ZNRF2: variants seen among roughly 807,000 people sequenced by gnomAD.
ZNRF2 encodes the protein zinc and ring finger 2.
Under a neutral mutation model 20.4 loss-of-function variants are expected in ZNRF2, and 16 were observed. That is an observed-to-expected ratio of 0.79 (90% CI 0.53 to 1.19). ZNRF2 has a LOEUF of 1.19. ZNRF2 is among the 50% of genes most tolerant of loss of function. ZNRF2 has a pLI of 0.00. For missense variants in ZNRF2, 363 were observed against 332.4 expected (o/e 1.09, Z -0.72); for synonymous variants, 178 against 144.9 (o/e 1.23, Z -1.64).
chr7:30,335,327 A>G (rs1799701011), intron 2 of ZNRF2, among the ~76,000 whole-genome samples: 1 of 152,194 alleles, frequency 6.6e-6, no homozygotes, highest in South Asian at 2.1e-4. Context: ...AGAAAACAGT[A>G]CAAGAGACCA....
intron 1 of ZNRF2, among the ~76,000 whole-genome samples, chr7:30,311,134 A>C (rs2128060146): frequency 6.6e-6 from 1 of 150,898 alleles, no homozygotes; most frequent in South Asian, 2.1e-4. Context: ...CTCCAGTAAA[A>C]CCCCGTGTTT....
At chr7:30,289,724 G>C in intron 1 of ZNRF2, 1 of 519,296 alleles carries the variant, frequency 1.9e-6, no homozygotes, top group Non-Finnish European at 4.0e-6. Flanking sequence ...ACTGCAAGGT[G>C]GGGAGGATTG....
At chr7:30,359,278 A>T (rs1239845571) in intron 3 of ZNRF2, among the ~76,000 whole-genome samples, 3 of 152,190 alleles carry the variant, frequency 2.0e-5, no homozygotes, top group African/African-American at 7.2e-5. Context: ...AAGATTGATA[A>T]ATTTGGCTAT....
At chr7:30,362,336 A>C (rs1270481111) in intron 3 of ZNRF2, 41 bp from the exon 4 acceptor site, 1 of 1,327,394 alleles carries the variant, frequency 7.5e-7, no homozygotes, top group Non-Finnish European at 1.0e-6. Flanking sequence ...ATAAATAATT[A>C]GTATAAGTAT....
intron 1 of ZNRF2, among the ~76,000 whole-genome samples, chr7:30,301,546 G>C (rs1349179697): frequency 1.3e-5 from 2 of 151,992 alleles, no homozygotes; most frequent in African/African-American, 4.8e-5. Flanking sequence ...TCTGGGGCAT[G>C]GTTCGCTGCA....
intron 1 of ZNRF2, among the ~76,000 whole-genome samples, chr7:30,298,277 C>T (rs1799050963): frequency 6.6e-6 from 1 of 151,814 alleles, no homozygotes; most frequent in Admixed American, 6.6e-5. Flanking sequence ...TGCTTTGTTC[C>T]CTTTCCTGAT....
rs1187535378 is a variant in ZNRF2 at position 30,284,914 on chromosome 7, C to T, written c.-444C>T. ...GGGCGCCTCCCACTCAGCCGCCAGCCGCCGTGGGAGCCGGAGGATGGCGGC... is the reference window on the plus strand; with the variant it reads ...GGGCGCCTCCCACTCAGCCGCCAGCTGCCGTGGGAGCCGGAGGATGGCGGC... On this transcript the variant is annotated 5_prime_UTR_variant, in exon 1 of 5. Coordinates refer to ENST00000323037, the MANE Select transcript of ZNRF2 (RefSeq NM_147128.4). The T allele has an allele frequency of 1.2e-5, 3 of 247,050 alleles. No homozygotes were observed. Among genetic ancestry groups the T allele is most frequent in the South Asian group, 3.0e-5 (1 of 32,846 alleles). 15.3% of individuals were successfully genotyped at this position (247,050 alleles called of 1,614,324 possible). A position where few individuals can be genotyped will look rare whatever the true frequency, so the allele number is the denominator to read the frequency against.
rs1023100289 is a variant in ZNRF2, at chr7:30,288,266, C to G, written c.469+2440C>G. Among the ~76,000 whole-genome samples, 18 of 152,232 alleles carry G rather than the reference C, an allele frequency of 1.2e-4. No homozygotes were observed. The East Asian group carries it at 3.5e-3, about 29-fold the overall frequency. On this transcript the variant is annotated intron_variant, in intron 1 of 4. Coordinates refer to ENST00000323037, the MANE Select transcript of ZNRF2 (RefSeq NM_147128.4). ...TGTATAAATGGTTATATACAAATAACTGCATCTGAAAATTGATAAAAGGAT... is the reference window on the plus strand; with the variant it reads ...TGTATAAATGGTTATATACAAATAAGTGCATCTGAAAATTGATAAAAGGAT...
intron 3 of ZNRF2, among the ~76,000 whole-genome samples, chr7:30,358,067 A>G (rs937153568): frequency 1.3e-5 from 2 of 152,210 alleles, no homozygotes; most frequent in African/African-American, 2.4e-5. Flanking sequence ...GTATAGATGT[A>G]ATTTACTACA....
At chr7:30,315,940 T>TA (rs1799366991) in intron 1 of ZNRF2, among the ~76,000 whole-genome samples, 1 of 152,110 alleles carries the variant, frequency 6.6e-6, no homozygotes, top group Non-Finnish European at 1.5e-5. Context: ...AATTTTCACT[T>TA]AAAATTGCTT....
At position 30,285,875 on chromosome 7, in the gene ZNRF2, C is replaced by T. The variant is rs563067384; in HGVS notation, c.469+49C>T. 46 of 1,398,110 alleles carry T rather than the reference C, an allele frequency of 3.3e-5. No homozygotes were observed. The East Asian group carries it at 6.0e-4, about 18-fold the overall frequency. The allele number at this position is 1,398,110 out of a possible 1,614,324, so 86.6% of individuals were successfully genotyped here. A position where few individuals can be genotyped will look rare whatever the true frequency, so the allele number is the denominator to read the frequency against. On this transcript the variant is annotated intron_variant, in intron 1 of 4. Transcript: ENST00000323037. ...CGCGCTCGGTCCTCCCGCGGCTGCA[C>T]GTGGGCCGTGGCCGCCGGCTATTTT...
chr7:30,308,376 T>C lies in ZNRF2; in HGVS notation c.470-15266T>C, dbSNP rs2128059473. On this transcript the variant is annotated intron_variant, in intron 1 of 4. Transcript: ENST00000323037. ...TGCTACTGTGAATTTTTTGTTAATATGTATTCTGGTGCATATGTGCACAGA... is the reference window on the plus strand; with the variant it reads ...TGCTACTGTGAATTTTTTGTTAATACGTATTCTGGTGCATATGTGCACAGA... Among the ~76,000 whole-genome samples the C allele has an allele frequency of 3.3e-5, 5 of 152,352 alleles. No individual in the cohort carries two copies. The South Asian group carries it at 1.0e-3, about 32-fold the overall frequency.
intron 1 of ZNRF2, among the ~76,000 whole-genome samples, chr7:30,322,062 AT>A (rs887889498): frequency 3.3e-5 from 5 of 151,968 alleles, no homozygotes; most frequent in African/African-American, 1.2e-4. Context: ...AAGTTTATGA[AT>A]TTGTGTTGGG....
At chr7:30,307,721 G>A (rs1799232443) in intron 1 of ZNRF2, among the ~76,000 whole-genome samples, 1 of 151,814 alleles carries the variant, frequency 6.6e-6, no homozygotes, top group African/African-American at 2.4e-5. Flanking sequence ...TCAAGACTTT[G>A]TATTTTGATT....
intron 2 of ZNRF2, among the ~76,000 whole-genome samples, chr7:30,355,149 A>G (rs964817010): frequency 6.6e-6 from 1 of 152,138 alleles, no homozygotes; most frequent in African/African-American, 2.4e-5. Context: ...AAGATTATGA[A>G]GAATTGCTGC....
At chr7:30,319,364 T>C (rs1266637648) in intron 1 of ZNRF2, among the ~76,000 whole-genome samples, 1 of 152,192 alleles carries the variant, frequency 6.6e-6, no homozygotes, top group Non-Finnish European at 1.5e-5. Context: ...TATATATACA[T>C]TATAATCTTT....
At chr7:30,344,809 G>A (rs141318683) in intron 2 of ZNRF2, among the ~76,000 whole-genome samples, 175 of 152,260 alleles carry the variant, frequency 1.1e-3, no homozygotes, top group Middle Eastern at 3.4e-3. Flanking sequence ...AACACAGACT[G>A]CTTATCTATG....
At chr7:30,314,318 T>C (rs78987937) in intron 1 of ZNRF2, among the ~76,000 whole-genome samples, 1 of 152,198 alleles carries the variant, frequency 6.6e-6, no homozygotes, top group Non-Finnish European at 1.5e-5. Context: ...ACACGTAACA[T>C]TACATTACAT....
intron 1 of ZNRF2, among the ~76,000 whole-genome samples, chr7:30,311,594 G>T (rs573314686): frequency 6.6e-5 from 10 of 152,274 alleles, no homozygotes; most frequent in African/African-American, 2.4e-4. Context: ...AGAAAGTTGC[G>T]CTGGGTTCTA....
Sources: allele counts gnomAD v4.1 joint callset (sites outside exome capture counted in the v4.1 genomes callset), GRCh38; gene constraint gnomAD v4.1.1; transcripts MANE v1.5; gene names NCBI Gene and HGNC (gene_info 2026-07-23, HGNC 2026-07-21).